The following HTR2B variants were observed in gnomAD, a reference collection of about 807,000 sequenced individuals.
The protein encoded by HTR2B is 5-HT 2B receptor.
A neutral mutation model predicts 39.8 loss-of-function variants in HTR2B; 31 were observed. The observed-to-expected ratio is 0.78, with a 90% CI of 0.58 to 1.05. The LOEUF is 1.05. HTR2B is among the 50% of genes least tolerant of loss of function. The pLI is 0.00. For missense variants in HTR2B, 562 were observed against 578.0 expected (o/e 0.97, Z 0.28); for synonymous variants, 210 against 207.1 (o/e 1.01, Z -0.12).
At position 231,108,732 on chromosome 2, in the gene HTR2B, G is replaced by A. The variant is rs180891719; in HGVS notation, c.1231C>T (p.Arg411Cys). The change falls in exon 4 of 4, where the codon CGC becomes TGC. Residue 411 changes from arginine to cysteine, a missense_variant. By Grantham distance (180) the Arg-to-Cys change is radical (BLOSUM62 -3). Transcript: ENST00000258400. The part of the protein sequence containing the change: ...ATKSVKTLRK[R>C]SSKIYFRNPM... ...TTCCGGAAGTAGATCTTACTGGAGC[G>A]TTTTCTGAGAGTTTTTACTGACTTT... 1.3e-4 allele frequency: 212 copies of A among 1,614,046 alleles called. No homozygotes were observed. The highest frequency in any genetic ancestry group is 1.2e-3 in the Middle Eastern group (7 of 6,062).
In HTR2B at chr2:231,113,901, T is replaced by C. The variant is rs1695245149; in HGVS notation, c.381A>G (p.Leu127=). ...FEAMWPLPLV[L]CPAWLFLDVL... ...CGTCAAGAAATAACCAGGCAGGACATAGAACAAGTGGGAGGGGCCACATAG... is the reference window on the plus strand; with the variant it reads ...CGTCAAGAAATAACCAGGCAGGACACAGAACAAGTGGGAGGGGCCACATAG... The change falls in exon 3 of 4, where the codon CTA becomes CTG. Residue 127 remains leucine (L), a synonymous_variant. Transcript: ENST00000258400. 6.2e-7 allele frequency: 1 copy of C among 1,613,940 alleles called. No homozygotes were observed. Among genetic ancestry groups the C allele is most frequent in the East Asian group, 2.2e-5 (1 of 44,864 alleles).
At chr2:231,113,099 G>A (rs1695212007) in intron 3 of HTR2B, among the ~76,000 whole-genome samples, 1 of 152,130 alleles carries the variant, frequency 6.6e-6, no homozygotes. Flanking sequence ...GGGAAGTCGA[G>A]GCAGCAGTGA....
rs1434862259 is a variant in HTR2B at position 231,114,325 on chromosome 2, T to A, written c.353-396A>T. Among the ~76,000 whole-genome samples, 6 of 152,278 alleles carry A rather than the reference T, an allele frequency of 3.9e-5. No homozygotes were observed. The East Asian group carries it at 9.6e-4, about 24-fold the overall frequency. ...TAGCTGTTGTATAAAAAGAAAACATTTTACCATGTAGAGGAAACAGTATGA... is the reference window on the plus strand; with the variant it reads ...TAGCTGTTGTATAAAAAGAAAACATATTACCATGTAGAGGAAACAGTATGA... On this transcript the variant is annotated intron_variant, in intron 2 of 3. Transcript: ENST00000258400.
At chr2:231,115,830 C>T (rs1695312782) in intron 2 of HTR2B, among the ~76,000 whole-genome samples, 2 of 152,092 alleles carry the variant, frequency 1.3e-5, no homozygotes, top group Non-Finnish European at 2.9e-5. Flanking sequence ...CACCTGGGTA[C>T]TTAGATATGC....
intron 3 of HTR2B, among the ~76,000 whole-genome samples, chr2:231,110,578 C>G (rs1049299187): frequency 1.3e-5 from 2 of 152,204 alleles, no homozygotes; most frequent in African/African-American, 4.8e-5. Context: ...CATCTACACA[C>G]CCTTTTTATG....
intron 2 of HTR2B, among the ~76,000 whole-genome samples, chr2:231,114,811 A>G (rs185839077): frequency 4.7e-4 from 71 of 152,322 alleles, no homozygotes; most frequent in African/African-American, 1.6e-3. Flanking sequence ...ACATATGTGA[A>G]TTTAATATAT....
At chr2:231,115,164 G>A (rs1052549540) in intron 2 of HTR2B, among the ~76,000 whole-genome samples, 2 of 151,898 alleles carry the variant, frequency 1.3e-5, no homozygotes, top group Non-Finnish European at 2.9e-5. Context: ...GGAGCCTGGG[G>A]GTGGAGAGAG....
intron 2 of HTR2B, among the ~76,000 whole-genome samples, chr2:231,118,413 G>T (rs1322332586): frequency 1.3e-5 from 2 of 152,028 alleles, no homozygotes; most frequent in African/African-American, 4.8e-5. Flanking sequence ...CTTTCCGGGG[G>T]TGAGGGAGGA....
intron 3 of HTR2B, among the ~76,000 whole-genome samples, chr2:231,110,835 C>A (rs908982975): frequency 6.6e-6 from 1 of 152,202 alleles, no homozygotes; most frequent in Non-Finnish European, 1.5e-5. Flanking sequence ...TGTTCTACTG[C>A]AGCAGAATGG....
Position 231,108,381 on chromosome 2 carries a change from C to G in HTR2B, c.*136G>C. 1 of 678,218 alleles carries G rather than the reference C, an allele frequency of 1.5e-6. No individual in the cohort carries two copies. The highest frequency in any genetic ancestry group is 2.5e-6 in the Non-Finnish European group (1 of 400,758). The allele number at this position is 678,218 out of a possible 1,614,324, so 42.0% of individuals were successfully genotyped here. ...GTCCAAATTAGGAAAATTAGATATT[C>G]TTAATACTTACATCTTAGGTTAAAG... is the stretch of plus-strand genomic sequence containing the variant. On this transcript the variant is annotated 3_prime_UTR_variant, in exon 4 of 4. Coordinates refer to ENST00000258400, the MANE Select transcript of HTR2B (RefSeq NM_000867.5).
chr2:231,121,438 CA>C (rs1342982159), intron 2 of HTR2B, among the ~76,000 whole-genome samples: 1 of 152,114 alleles, frequency 6.6e-6, no homozygotes, highest in Non-Finnish European at 1.5e-5. Context: ...AAATGTCTAT[CA>C]ATTATTTAAG....
intron 3 of HTR2B, among the ~76,000 whole-genome samples, chr2:231,110,335 T>C (rs1695116163): frequency 6.6e-6 from 1 of 152,122 alleles, no homozygotes; most frequent in Non-Finnish European, 1.5e-5. Flanking sequence ...AAAAGTTCTT[T>C]TATGACCTGG....
chr2:231,116,239 G>T (rs1214196730), intron 2 of HTR2B, among the ~76,000 whole-genome samples: 2 of 152,134 alleles, frequency 1.3e-5, no homozygotes, highest in Non-Finnish European at 2.9e-5. Flanking sequence ...TTTAGAGTTT[G>T]CAGTGGAAAC....
In HTR2B at chr2:231,117,182, G is replaced by A. The variant is rs533228170; in HGVS notation, c.353-3253C>T. Among the ~76,000 whole-genome samples the A allele has an allele frequency of 7.2e-5, 11 of 152,076 alleles. No homozygotes were observed. The East Asian group carries it at 2.1e-3, about 29-fold the overall frequency. ...AATAACTAAATTAAAGGTTAAGTTGGTATGGTGAAATACTTTATTTCAAAA... is the reference window on the plus strand; with the variant it reads ...AATAACTAAATTAAAGGTTAAGTTGATATGGTGAAATACTTTATTTCAAAA... On this transcript the variant is annotated intron_variant, in intron 2 of 3. Transcript: ENST00000258400.
rs771795949 is a variant in HTR2B, at chr2:231,123,753, A to C, written c.12T>G (p.Ser4=). ...TGCTTTGAAGTTCAGACACTCTGTA[A>C]GAGAGAGCCATTTGCTGTTTTTCTG... MAL[S]YRVSELQSTI... is the part of the protein sequence containing the mutation. Residue 4 remains serine (S), a synonymous_variant, in exon 2 of 4, where the codon TCT becomes TCG. Transcript: ENST00000258400. 4 of 1,613,452 alleles carry C rather than the reference A, an allele frequency of 2.5e-6. No homozygotes were observed. The East Asian group carries it at 8.9e-5, about 36-fold the overall frequency.
At chr2:231,116,800 T>G (rs1695351954) in intron 2 of HTR2B, among the ~76,000 whole-genome samples, 1 of 152,122 alleles carries the variant, frequency 6.6e-6, no homozygotes, top group Admixed American at 6.5e-5. Flanking sequence ...ATACAGAATT[T>G]TCTTTAAGAA....
chr2:231,112,598 T>C (rs1039603880), intron 3 of HTR2B, among the ~76,000 whole-genome samples: 2 of 152,210 alleles, frequency 1.3e-5, no homozygotes, highest in African/African-American at 4.8e-5. Flanking sequence ...TCCAGGTCTC[T>C]TAATTTTTTG....
chr2:231,108,817 G>T lies in HTR2B; in HGVS notation c.1146C>A (p.Leu382=). The T allele has an allele frequency of 6.2e-7, 1 of 1,614,146 alleles. No individual in the cohort carries two copies. The highest frequency in any genetic ancestry group is 8.5e-7 in the Non-Finnish European group (1 of 1,180,026). The change falls in exon 4 of 4, where the codon CTC becomes CTA. Residue 382 remains leucine (L), a synonymous_variant. Transcript: ENST00000258400. ...SSGVNPLVYT[L]FNKTFRDAFG... is the part of the protein sequence containing the mutation. The stretch of plus-strand genomic sequence containing the variant: ...ATGCATCCCGAAATGTCTTATTGAA[G>T]AGGGTGTAGACCAAAGGATTCACTC...
At position 231,125,023 on chromosome 2, in the gene HTR2B, ACTTG is replaced by A. The variant is rs1695686221; in HGVS notation, c.-422_-419del. ...GCATGTCATCTTATCTGTTCACTAG[ACTTG>A]CTTGCTGCTGTGACTGAAATCCTCC... On this transcript the variant is annotated 5_prime_UTR_variant, in exon 1 of 4. Coordinates refer to ENST00000258400, the MANE Select transcript of HTR2B (RefSeq NM_000867.5). 2.0e-5 allele frequency: 3 copies of A among 152,122 alleles called. No homozygotes were observed. In the East Asian group the frequency reaches 5.8e-4, roughly 29 times the overall value. 9.4% of individuals were successfully genotyped at this position (152,122 alleles called of 1,614,324 possible).
Sources: gnomAD v4.1 joint callset for allele counts (sites outside exome capture counted in the v4.1 genomes callset) on GRCh38, gnomAD v4.1.1 for gene constraint, MANE v1.5 for transcripts, NCBI Gene and HGNC (gene_info 2026-07-23, HGNC 2026-07-21) for gene names.